The following DDX54 variants were observed in gnomAD, a reference collection of about 807,000 sequenced individuals.
DDX54 encodes ATP-dependent RNA helicase DDX54.
A neutral mutation model predicts 105.5 loss-of-function variants in DDX54; 67 were observed. That is an observed-to-expected ratio of 0.64 (90% CI 0.52 to 0.78). The LOEUF (loss-of-function observed/expected upper bound fraction) is 0.78. Among genes scored for constraint, DDX54 ranks in the 30% least tolerant of loss-of-function variants. The probability of loss-of-function intolerance (pLI) is 0.00; values close to 1 mark genes in which losing one functional copy is unlikely to be tolerated. For missense variants in DDX54, 1,206 were observed against 1,230.5 expected (o/e 0.98, Z 0.30); for synonymous variants, 514 against 509.9 (o/e 1.01, Z -0.11).
At chr12:113,174,524 A>AGCCCAG in intron 10 of DDX54, 116 bp downstream of exon 10, 1 of 1,411,606 alleles carries the variant, frequency 7.1e-7, no homozygotes. Flanking sequence ...GACCATCTTG[A>AGCCCAG]GCCCAGGCCC....
Position 113,175,074 on chromosome 12 carries a change from G to A in DDX54, c.836C>T (p.Ala279Val). ...TTCCACCAGCAGTTTGGGCAGCGTG[G>A]CGGAGAACAGCACCGTCTGGTGGCC... ...PGGHQTVLFS[A>V]TLPKLLVEFA... The change falls in exon 8 of 20, where the codon GCC becomes GTC. Residue 279 changes from alanine (A) to valine (V), a missense_variant. Coordinates refer to ENST00000306014, the MANE Select transcript of DDX54 (RefSeq NM_024072.4). 6.2e-7 allele frequency: 1 copy of A among 1,613,990 alleles called. No individual in the cohort carries two copies. Among genetic ancestry groups the A allele is most frequent in the Non-Finnish European group, 8.5e-7 (1 of 1,180,036 alleles).
intron 5 of DDX54, among the ~76,000 whole-genome samples, chr12:113,178,017 C>T (rs753020966): frequency 2.0e-5 from 3 of 152,230 alleles, no homozygotes; most frequent in Non-Finnish European, 4.4e-5. Context: ...TAGCAGATCA[C>T]TTGAGCCCAG....
At chr12:113,171,957 C>T (rs951069653) in intron 11 of DDX54, among the ~76,000 whole-genome samples, 8 of 152,158 alleles carry the variant, frequency 5.3e-5, no homozygotes, top group Non-Finnish European at 2.9e-5. Flanking sequence ...CAAATACTTC[C>T]ATTAGCCTAC....
intron 18 of DDX54, 106 bp downstream of exon 18, chr12:113,161,787 C>CCCCCCCCCCCCCA: frequency 5.6e-6 from 1 of 177,882 alleles, no homozygotes; most frequent in Non-Finnish European, 1.1e-5. Context: ...TCAGCCCCGC[C>CCCCCCCCCCCCCA]CCCTCCTCCC....
intron 19 of DDX54, among the ~76,000 whole-genome samples, chr12:113,160,311 G>A (rs1349073057): frequency 1.3e-5 from 2 of 152,154 alleles, no homozygotes; most frequent in African/African-American, 4.8e-5. Context: ...GGCCATCTGA[G>A]AGAGACCCAA....
chr12:113,165,543 G>A (rs1952260861), intron 14 of DDX54, 101 bp downstream of exon 14: 7 of 1,279,902 alleles, frequency 5.5e-6, no homozygotes, highest in Non-Finnish European at 7.4e-6. Context: ...CTGAGTCCTG[G>A]CACCACCGTT....
At chr12:113,170,720 C>G (rs1041311741) in intron 11 of DDX54, among the ~76,000 whole-genome samples, 10 of 152,138 alleles carry the variant, frequency 6.6e-5, no homozygotes, top group African/African-American at 2.4e-4. Flanking sequence ...AATGAATAGG[C>G]AGCAGTCACA....
rs375921914 is a variant in DDX54, at chr12:113,162,006, G to C, written c.2196-9C>G. On this transcript the variant is annotated splice_polypyrimidine_tract_variant and intron_variant, in intron 17 of 19. Transcript: ENST00000306014. The stretch of plus-strand genomic sequence containing the variant: ...GCTTCTTCTTACGGTCCCTGCAGGA[G>C]AGGGAGTTGGGACGGCTGCCGTGGA... 42 of 1,612,172 alleles carry C rather than the reference G, an allele frequency of 2.6e-5. 1 individual carries two copies. The African/African-American group carries it at 4.8e-4, about 18-fold the overall frequency.
chr12:113,171,258 G>A (rs978093712), intron 11 of DDX54, among the ~76,000 whole-genome samples: 1 of 152,162 alleles, frequency 6.6e-6, no homozygotes, highest in Non-Finnish European at 1.5e-5. Flanking sequence ...GCTGCGGGAG[G>A]GGAATAAGGA....
chr12:113,171,850 G>C (rs550774449), intron 11 of DDX54, among the ~76,000 whole-genome samples: 12 of 152,246 alleles, frequency 7.9e-5, no homozygotes, highest in African/African-American at 2.9e-4. Context: ...ACTTACGAAG[G>C]GCTGCGTCTC....
intron 1 of DDX54, among the ~76,000 whole-genome samples, chr12:113,181,523 C>T (rs1193949451): frequency 6.6e-6 from 1 of 151,210 alleles, no homozygotes; most frequent in East Asian, 1.9e-4. Flanking sequence ...ATTGCCCAGG[C>T]TAGTCTTGAA....
rs769870069 is a variant in DDX54 at position 113,175,120 on chromosome 12, T to C, written c.790A>G (p.Ile264Val). 1 of 1,613,312 alleles carries C rather than the reference T, an allele frequency of 6.2e-7. No homozygotes were observed. The highest frequency in any genetic ancestry group is 1.7e-5 in the Admixed American group (1 of 59,986). ...EMGFAEQLQE[I>V]IARLPGGHQT... ...TGGCCCCCGGGGAGGCGGGCGATGA[T>C]CTCCTGCAGCTGCTCTGCGAAACCC... Residue 264 changes from isoleucine to valine, a missense_variant, in exon 8 of 20, where the codon ATC (isoleucine) becomes GTC (valine). Transcript: ENST00000306014.
rs541909414 is a variant in DDX54, at chr12:113,174,786, C to T, written c.937-15G>A. ...AAGAAGGAGGTCTGTGGGGAGAGGG[C>T]ATCACGTGTTGGCTTACGGGGTCCT... On this transcript the variant is annotated splice_polypyrimidine_tract_variant and intron_variant, in intron 9 of 19. Coordinates refer to ENST00000306014, the MANE Select transcript of DDX54 (RefSeq NM_024072.4). 3.0e-4 allele frequency: 481 copies of T among 1,614,134 alleles called. 7 individuals are homozygous for T. The South Asian group carries it at 5.2e-3, about 17-fold the overall frequency.
In DDX54 at chr12:113,158,932, C is replaced by A. The variant is rs370380296; in HGVS notation, c.2591G>T (p.Gly864Val). ...GGAGCGGGCACCCCGGCCGAAGGCG[C>A]CCTGCTGCAGCTCCTGGACGCGGCG... Reference protein sequence around the residue: ...NRRRVQELQQGAFGRGARSKK... With the variant: ...NRRRVQELQQVAFGRGARSKK... The change falls in exon 20 of 20, where the codon GGC (glycine) becomes GTC (valine). Residue 864 changes from glycine to valine, a missense_variant. Physicochemically the swap from Gly to Val is moderately radical, Grantham distance 109. This residue lies in a region of DDX54 where 961 missense variants were observed against 1,019.1 expected (regional missense o/e 0.94). Transcript: ENST00000306014. The surrounding 1 kb of genome is among the most constrained non-coding windows in gnomAD (Gnocchi z 4.9). 4.7e-5 allele frequency: 75 copies of A among 1,609,748 alleles called. 2 individuals carry two copies. Among genetic ancestry groups the A allele is most frequent in the East Asian group, 4.2e-4 (19 of 44,746 alleles).
chr12:113,171,191 C>G (rs1952333979), intron 11 of DDX54, among the ~76,000 whole-genome samples: 1 of 152,188 alleles, frequency 6.6e-6, no homozygotes, highest in Non-Finnish European at 1.5e-5. Context: ...GTGCACCCAC[C>G]ACATGACACT....
intron 12 of DDX54, among the ~76,000 whole-genome samples, chr12:113,166,648 G>A (rs1447634027): frequency 1.3e-5 from 2 of 152,112 alleles, no homozygotes; most frequent in African/African-American, 4.8e-5. Context: ...GCTGCAGTGA[G>A]CCGTGATGGT....
At position 113,157,654 on chromosome 12, in the gene DDX54, C is replaced by A; in HGVS notation, c.*1223G>T. On this transcript the variant is annotated 3_prime_UTR_variant, in exon 20 of 20. Coordinates refer to ENST00000306014, the MANE Select transcript of DDX54 (RefSeq NM_024072.4). ...GCCATGCTGGCCGGCCTGGGTCAGG[C>A]TGAGCCTGCAGCCCCTGCCTCCTAG... 6.4e-7 allele frequency: 1 copy of A among 1,551,608 alleles called. No homozygotes were observed. Among genetic ancestry groups the A allele is most frequent in the Non-Finnish European group, 8.7e-7 (1 of 1,146,990 alleles).
intron 19 of DDX54, 76 bp from the exon 20 acceptor site, chr12:113,159,185 C>G (rs1458110966): frequency 7.0e-7 from 1 of 1,433,968 alleles, no homozygotes; most frequent in Admixed American, 2.0e-5. Flanking sequence ...AGCTTGCAGA[C>G]TCCTCCCCTG....
chr12:113,158,789 C>T lies in DDX54; in HGVS notation c.*88G>A. The T allele has an allele frequency of 7.0e-7, 1 of 1,419,914 alleles. No individual in the cohort carries two copies. Among genetic ancestry groups the T allele is most frequent in the East Asian group, 2.4e-5 (1 of 41,804 alleles). 88.0% of individuals were successfully genotyped at this position (1,419,914 alleles called of 1,614,324 possible). A position where few individuals can be genotyped will look rare whatever the true frequency, so the allele number is the denominator to read the frequency against. ...CAGGGAGTGCCCCCAGTGCCCAGCA[C>T]AGGGCCAGGCACACAGTGGTGCACG... On this transcript the variant is annotated 3_prime_UTR_variant, in exon 20 of 20. Transcript: ENST00000306014. This position sits in a 1 kb window ranked among gnomAD's most constrained non-coding sequence, Gnocchi z 4.9.
Sources: allele counts gnomAD v4.1 joint callset (sites outside exome capture counted in the v4.1 genomes callset), GRCh38; gene constraint gnomAD v4.1.1; regional missense constraint gnomAD v4.1.1; non-coding constraint Gnocchi (gnomAD v3.1); transcripts MANE v1.5; gene names NCBI Gene and HGNC (gene_info 2026-07-23, HGNC 2026-07-21).